Variants in DMD observed in about 807,000 individuals in gnomAD.
DMD encodes the protein dystrophin.
In DMD, 63 loss-of-function variants were observed where a neutral mutation model predicts 330.1. The ratio of observed to expected loss-of-function variants is 0.19; its 90% CI spans 0.16 to 0.24. DMD has a LOEUF of 0.24. Among genes scored for constraint, DMD ranks in the 10% least tolerant of loss-of-function variants. The pLI is 1.00. For synonymous variants in DMD, 1,223 were observed against 959.8 expected (o/e 1.27, Z -5.07); for missense variants, 3,344 against 2,684.1 (o/e 1.25, Z -5.43).
rs1005651813 is a variant in DMD at position 31,997,421 on chromosome X, T to A, written c.6439-28907A>T. ...CAGGTGGGAACTAGGCATCTCTATT[T>A]TTTTTTGTTTTTTGTTTTTTTAGAG... is the stretch of plus-strand genomic sequence containing the variant. On this transcript the variant is annotated intron_variant, in intron 44 of 78. Coordinates refer to ENST00000357033, the MANE Select transcript of DMD (RefSeq NM_004006.3). Among the ~76,000 whole-genome samples the A allele has an allele frequency of 5.3e-5, 5 of 93,466 alleles. No homozygotes were observed. In the East Asian group the frequency reaches 1.7e-3, roughly 32 times the overall value. 81.2% of individuals were successfully genotyped at this position (93,466 alleles called of 115,157 possible). A position where few individuals can be genotyped will look rare whatever the true frequency, so the allele number is the denominator to read the frequency against.
At chrX:31,687,186 G>A (rs1025343919) in intron 52 of DMD, among the ~76,000 whole-genome samples, 8 of 111,652 alleles carry the variant, frequency 7.2e-5, no homozygotes, top group African/African-American at 2.6e-4. Flanking sequence ...AGTACACTGT[G>A]GGACTTGGCC....
chrX:32,746,922 C>G (rs188919968), intron 7 of DMD, among the ~76,000 whole-genome samples: 50 of 111,729 alleles, frequency 4.5e-4, no homozygotes, highest in Non-Finnish European at 3.8e-5. Context: ...TCTATGAAAT[C>G]AAACTTTTTA....
At chrX:31,845,375 GTCTCTCTCTCTCTCTCTCTCTCTCTC>G (rs535397626) in intron 48 of DMD, among the ~76,000 whole-genome samples, 7 of 60,097 alleles carry the variant, frequency 1.2e-4, no homozygotes, top group African/African-American at 3.9e-4. Flanking sequence ...ACAGAATAAA[GTCTCTCTCTCTCTCTCTCTCTCTCTC>G]TCTCTCTCTC....
chrX:32,318,850 G>C (rs193009179), intron 41 of DMD, among the ~76,000 whole-genome samples: 18 of 111,421 alleles, frequency 1.6e-4, no homozygotes, highest in African/African-American at 5.9e-4. Flanking sequence ...ATATGCAGAT[G>C]ATGCTGGATT....
At chrX:32,040,919 C>A (rs1026776497) in intron 44 of DMD, among the ~76,000 whole-genome samples, 1 of 111,197 alleles carries the variant, frequency 9.0e-6, no homozygotes, top group Non-Finnish European at 1.9e-5. Flanking sequence ...CAGACAAAAC[C>A]GTGCATCCAT....
At chrX:31,610,589 T>C (rs1277311650) in intron 55 of DMD, among the ~76,000 whole-genome samples, 3 of 112,184 alleles carry the variant, frequency 2.7e-5, no homozygotes, top group Non-Finnish European at 5.6e-5. Context: ...TTTTGAGAAA[T>C]TGATTATAAT....
At chrX:33,242,841 T>C (rs976437813) in intron 1 of DMD, among the ~76,000 whole-genome samples, 1 of 111,932 alleles carries the variant, frequency 8.9e-6, no homozygotes, top group African/African-American at 3.2e-5. Flanking sequence ...ATTTCCCTGA[T>C]CATTAGTGAT....
chrX:31,331,286 C>T (rs775508708), intron 61 of DMD, among the ~76,000 whole-genome samples: 21 of 111,327 alleles, frequency 1.9e-4, no homozygotes, highest in African/African-American at 6.5e-4. Flanking sequence ...GAGTATCAGG[C>T]TCACATTTGA....
chrX:32,344,388 G>A (rs2097757412), intron 39 of DMD, among the ~76,000 whole-genome samples: 1 of 111,717 alleles, frequency 9.0e-6, no homozygotes, highest in African/African-American at 3.2e-5. Flanking sequence ...TTGGTTTGGC[G>A]AGTAGTGTTG....
At chrX:32,526,867 A>G (rs1183623664) in intron 17 of DMD, among the ~76,000 whole-genome samples, 4 of 112,078 alleles carry the variant, frequency 3.6e-5, no homozygotes. Flanking sequence ...AATTTTCTTT[A>G]CAGTGACTGC....
At chrX:31,831,694 G>A (rs1474322799) in intron 49 of DMD, among the ~76,000 whole-genome samples, 2 of 111,198 alleles carry the variant, frequency 1.8e-5, no homozygotes, top group African/African-American at 3.3e-5. Context: ...TGCCTCCCGG[G>A]TTCATGCCAT....
chrX:31,992,587 C>T (rs1005092295), intron 44 of DMD, among the ~76,000 whole-genome samples: 7 of 111,086 alleles, frequency 6.3e-5, no homozygotes, highest in African/African-American at 2.0e-4. Flanking sequence ...TATGGTCCCT[C>T]GTTTTTCTTG....
At position 31,901,550 on chromosome X, in the gene DMD, A is replaced by T. The variant is rs190554832; in HGVS notation, c.6913-26177T>A. Among the ~76,000 whole-genome samples, 98 of 111,337 alleles carry T rather than the reference A, an allele frequency of 8.8e-4. 1 individual carries two copies. Among genetic ancestry groups the T allele is most frequent in the Admixed American group, 2.5e-3 (26 of 10,470 alleles). The stretch of plus-strand genomic sequence containing the variant: ...TGCAATCTCAACTTTCCACATAATT[A>T]CTTTCCAAGCTATACTACGAGGCAA... On this transcript the variant is annotated intron_variant, in intron 47 of 78. Coordinates refer to ENST00000357033, the MANE Select transcript of DMD (RefSeq NM_004006.3).
intron 60 of DMD, among the ~76,000 whole-genome samples, chrX:31,373,044 A>C (rs1216748307): frequency 1.8e-5 from 2 of 110,726 alleles, no homozygotes; most frequent in African/African-American, 6.6e-5. Context: ...CAGAGAGCCA[A>C]ATCATGAGTG....
chrX:32,801,137 C>A (rs1004839703), intron 7 of DMD, among the ~76,000 whole-genome samples: 4 of 111,478 alleles, frequency 3.6e-5, no homozygotes, highest in Non-Finnish European at 7.5e-5. Context: ...AATTTACACT[C>A]CCAACAGTGT....
intron 49 of DMD, among the ~76,000 whole-genome samples, chrX:31,822,508 G>A (rs2149434963): frequency 9.0e-6 from 1 of 111,531 alleles, no homozygotes; most frequent in East Asian, 2.8e-4. Context: ...TAGAGAAGAA[G>A]AGCCATATGA....
chrX:31,367,204 T>C (rs1404942547), intron 60 of DMD, among the ~76,000 whole-genome samples: 8 of 111,370 alleles, frequency 7.2e-5, no homozygotes, highest in African/African-American at 2.6e-4. Context: ...GGGGAAAATC[T>C]TGTTCCTTTC....
chrX:31,949,573 G>T (rs1382765337), intron 45 of DMD, among the ~76,000 whole-genome samples: 2 of 111,153 alleles, frequency 1.8e-5, no homozygotes, highest in Non-Finnish European at 3.8e-5. Context: ...GGATTGTATT[G>T]TCTGTGAATA....
At chrX:31,690,202 A>T (rs1412507634) in intron 52 of DMD, among the ~76,000 whole-genome samples, 3 of 111,825 alleles carry the variant, frequency 2.7e-5, no homozygotes, top group Non-Finnish European at 5.6e-5. Context: ...ATGGGAGAAA[A>T]TTTTTGCAAT....
Sources: allele counts gnomAD v4.1 joint callset (sites outside exome capture counted in the v4.1 genomes callset), GRCh38; gene constraint gnomAD v4.1.1; transcripts MANE v1.5; gene names NCBI Gene and HGNC (gene_info 2026-07-23, HGNC 2026-07-21).